TMED8: variants seen among roughly 807,000 people sequenced by gnomAD.
TMED8 encodes protein TMED8.
TMED8 carries 15 observed loss-of-function variants against 32.7 expected under a neutral mutation model. That is an observed-to-expected ratio of 0.46 (90% CI 0.31 to 0.71). The LOEUF (loss-of-function observed/expected upper bound fraction) is 0.71, where lower values mean the gene tolerates loss of function less well. Ranked by LOEUF, TMED8 falls within the 30% of genes least tolerant of loss-of-function variation. TMED8 has a pLI of 0.06. For synonymous variants in TMED8, 147 were observed against 161.4 expected, an observed-to-expected ratio of 0.91 and a Z score of 0.68; for missense variants, 390 against 423.9, an observed-to-expected ratio of 0.92 and a Z score of 0.70.
At position 77,335,632 on chromosome 14, in the gene TMED8, A is replaced by C. The variant is rs1251616020; in HGVS notation, c.*6139T>G. The C allele has an allele frequency of 2.0e-5, 3 of 152,196 alleles. No individual in the cohort carries two copies. The highest frequency in any genetic ancestry group is 7.2e-5 in the African/African-American group (3 of 41,444). 9.4% of individuals were successfully genotyped at this position (152,196 alleles called of 1,614,324 possible). A position where few individuals can be genotyped will look rare whatever the true frequency, so the allele number is the denominator to read the frequency against. On this transcript the variant is annotated 3_prime_UTR_variant, in exon 6 of 6. Transcript: ENST00000216468. ...TCTTCAAGCACCTCCCTTTATTCCA[A>C]TTATCCTTTTCCAAAGTCTGGCTTT...
At chr14:77,350,347 A>G (rs970546493) in intron 2 of TMED8, among the ~76,000 whole-genome samples, 15 of 152,182 alleles carry the variant, frequency 9.9e-5, no homozygotes, top group African/African-American at 3.6e-4. Context: ...GCAGTGATGG[A>G]CTATTTTGTT....
intron 1 of TMED8, among the ~76,000 whole-genome samples, chr14:77,352,036 A>G (rs1893192063): frequency 6.6e-6 from 1 of 152,194 alleles, no homozygotes; most frequent in African/African-American, 2.4e-5. Flanking sequence ...GAAGTGGCTC[A>G]CACCTATAAT....
At chr14:77,374,190 A>G (rs144985100) in intron 1 of TMED8, among the ~76,000 whole-genome samples, 1 of 152,274 alleles carries the variant, frequency 6.6e-6, no homozygotes, top group African/African-American at 2.4e-5. Flanking sequence ...TTAGAGCTCT[A>G]TTGCTTACTC....
chr14:77,355,843 G>A (rs1207517624), intron 1 of TMED8, among the ~76,000 whole-genome samples: 1 of 152,190 alleles, frequency 6.6e-6, no homozygotes, highest in Non-Finnish European at 1.5e-5. Flanking sequence ...AAGTCAGTCC[G>A]ATTCTCTTCC....
intron 1 of TMED8, among the ~76,000 whole-genome samples, chr14:77,354,739 A>G (rs1306199277): frequency 6.6e-6 from 1 of 152,150 alleles, no homozygotes; most frequent in African/African-American, 2.4e-5. Context: ...GGATCACCTG[A>G]GGTCAGGAGT....
At chr14:77,351,571 A>G in intron 2 of TMED8, 102 bp downstream of exon 2, 1 of 1,123,676 alleles carries the variant, frequency 8.9e-7, no homozygotes, top group South Asian at 1.4e-5. Context: ...CACATTCTTT[A>G]CTTTAACTTG....
intron 1 of TMED8, among the ~76,000 whole-genome samples, chr14:77,372,465 T>C (rs1464241312): frequency 6.6e-6 from 1 of 152,200 alleles, no homozygotes; most frequent in African/African-American, 2.4e-5. Flanking sequence ...TAGCCTGTCA[T>C]TTTAGATTCC....
intron 1 of TMED8, among the ~76,000 whole-genome samples, chr14:77,355,751 C>A (rs976432469): frequency 6.6e-6 from 1 of 152,218 alleles, no homozygotes; most frequent in Non-Finnish European, 1.5e-5. Flanking sequence ...CCCCCCTCAA[C>A]AGCCTTGGAA....
intron 1 of TMED8, among the ~76,000 whole-genome samples, chr14:77,362,692 G>A (rs2139628449): frequency 6.6e-6 from 1 of 152,084 alleles, no homozygotes; most frequent in African/African-American, 2.4e-5. Flanking sequence ...GTGGGTGAAT[G>A]GATTAAAAAA....
At chr14:77,369,551 G>A (rs74063344) in intron 1 of TMED8, among the ~76,000 whole-genome samples, 1 of 152,116 alleles carries the variant, frequency 6.6e-6, no homozygotes, top group Non-Finnish European at 1.5e-5. Flanking sequence ...TGTTACTTTA[G>A]TTCAAAGAGG....
rs1893033364 is a variant in TMED8, at chr14:77,346,374, G to A, written c.302C>T (p.Ala101Val). The A allele has an allele frequency of 6.2e-7, 1 of 1,614,148 alleles. No homozygotes were observed. Among genetic ancestry groups the A allele is most frequent in the Non-Finnish European group, 8.5e-7 (1 of 1,180,016 alleles). Reference sequence around the variant, plus strand: ...CTCATTGAGGACCTGGGCCTGGTCTGCAGGCAGCAAATCCTGTTTCACCAA... The same window carrying A: ...CTCATTGAGGACCTGGGCCTGGTCTACAGGCAGCAAATCCTGTTTCACCAA... Reference protein sequence around the residue: ...QALVKQDLLPADQAQVLNEMA... With the variant: ...QALVKQDLLPVDQAQVLNEMA... The change falls in exon 3 of 6, where the codon GCA (alanine) becomes GTA (valine). Residue 101 changes from alanine (A) to valine (V), a missense_variant. Ala to Val is a moderately conservative substitution (Grantham distance 64). Coordinates refer to ENST00000216468, the MANE Select transcript of TMED8 (RefSeq NM_213601.3).
At position 77,338,698 on chromosome 14, in the gene TMED8, T is replaced by C. The variant is rs1051308062; in HGVS notation, c.*3073A>G. On this transcript the variant is annotated 3_prime_UTR_variant, in exon 6 of 6. Coordinates refer to ENST00000216468, the MANE Select transcript of TMED8 (RefSeq NM_213601.3). Reference sequence around the variant, plus strand: ...GTTCTAAGAACCTCCTGAGGCCCCATCATGGGCTCTGAACCTTGGCAAAAT... The same window carrying C: ...GTTCTAAGAACCTCCTGAGGCCCCACCATGGGCTCTGAACCTTGGCAAAAT... 5.3e-5 allele frequency: 8 copies of C among 152,246 alleles called. No homozygotes were observed. The highest frequency in any genetic ancestry group is 1.9e-4 in the African/African-American group (8 of 41,468). 9.4% of individuals were successfully genotyped at this position (152,246 alleles called of 1,614,324 possible).
chr14:77,372,942 A>T (rs1566696550), intron 1 of TMED8, among the ~76,000 whole-genome samples: 10 of 24,604 alleles, frequency 4.1e-4, no homozygotes, highest in South Asian at 1.3e-3. Flanking sequence ...ATATATATAT[A>T]TATATATATA....
At chr14:77,351,583 C>T in intron 2 of TMED8, 90 bp downstream of exon 2, 1 of 1,239,296 alleles carries the variant, frequency 8.1e-7, no homozygotes, top group Non-Finnish European at 1.2e-6. Flanking sequence ...TTTAACTTGC[C>T]TCCCCGCTTA....
At chr14:77,347,970 T>G (rs1164460304) in intron 2 of TMED8, among the ~76,000 whole-genome samples, 1 of 152,188 alleles carries the variant, frequency 6.6e-6, no homozygotes, top group Non-Finnish European at 1.5e-5. Context: ...ATTCTCATTT[T>G]CTCAAGAGTG....
chr14:77,345,493 C>T (rs1893003779), intron 3 of TMED8, among the ~76,000 whole-genome samples: 1 of 151,926 alleles, frequency 6.6e-6, no homozygotes, highest in Non-Finnish European at 1.5e-5. Context: ...ACAACCCCAT[C>T]CCGCCCCCAT....
At position 77,338,415 on chromosome 14, in the gene TMED8, A is replaced by C. The variant is rs554688019; in HGVS notation, c.*3356T>G. On this transcript the variant is annotated 3_prime_UTR_variant, in exon 6 of 6. Coordinates refer to ENST00000216468, the MANE Select transcript of TMED8 (RefSeq NM_213601.3). ...CTGAAGCCTGCTACCTGGAGGCTTC[A>C]TCTACATGACTTAAGCCAAGCCTCC... 6.6e-6 allele frequency: 1 copy of C among 152,256 alleles called. No individual in the cohort carries two copies. Among genetic ancestry groups the C allele is most frequent in the Non-Finnish European group, 1.5e-5 (1 of 68,050 alleles). 9.4% of individuals were successfully genotyped at this position (152,256 alleles called of 1,614,324 possible).
At chr14:77,360,891 C>T (rs1164871990) in intron 1 of TMED8, among the ~76,000 whole-genome samples, 2 of 151,598 alleles carry the variant, frequency 1.3e-5, no homozygotes, top group South Asian at 2.1e-4. Flanking sequence ...TCCCTTGTGA[C>T]TACTGATGTT....
At chr14:77,354,409 ATTAC>A (rs1344934899) in intron 1 of TMED8, among the ~76,000 whole-genome samples, 2 of 152,226 alleles carry the variant, frequency 1.3e-5, no homozygotes, top group Non-Finnish European at 1.5e-5. Context: ...TATATACCCT[ATTAC>A]TTATTTCAAA....
Sources: allele counts gnomAD v4.1 joint callset (sites outside exome capture counted in the v4.1 genomes callset), GRCh38; gene constraint gnomAD v4.1.1; transcripts MANE v1.5; gene names NCBI Gene and HGNC (gene_info 2026-07-23, HGNC 2026-07-21).